The following ZNF469 variants were observed in gnomAD, a reference collection of about 807,000 sequenced individuals.
The protein encoded by ZNF469 is zinc finger protein 469.
Under a neutral mutation model 1.0 loss-of-function variants are expected in ZNF469, and 1 was observed. That is an observed-to-expected ratio of 1.00 (90% CI 0.35 to 4.73). The LOEUF is 4.73. ZNF469 is among the 30% of genes most tolerant of loss of function. The pLI is 0.16. For synonymous variants in ZNF469, 2,703 were observed against 2,363.4 expected, an observed-to-expected ratio of 1.14 and a Z score of -4.17; for missense variants, 6,100 against 5,356.3, an observed-to-expected ratio of 1.14 and a Z score of -4.33.
the ZNF469 span, among the ~76,000 whole-genome samples, chr16:88,156,889 G>C: frequency 6.6e-6 from 1 of 152,050 alleles, no homozygotes; most frequent in South Asian, 2.1e-4. Context: ...TGGCCAGCAG[G>C]GATGGAAATA....
the ZNF469 span, among the ~76,000 whole-genome samples, chr16:88,317,438 C>T: frequency 2.0e-5 from 3 of 152,214 alleles, no homozygotes; most frequent in African/African-American, 7.2e-5. Flanking sequence ...GCCTCGGAAC[C>T]TGGCTGGTGA....
the ZNF469 span, among the ~76,000 whole-genome samples, chr16:88,318,352 G>A: frequency 5.9e-5 from 9 of 152,300 alleles, no homozygotes; most frequent in African/African-American, 1.9e-4. Context: ...TCCTGGAGAC[G>A]CTGCCCCCCC....
At position 88,431,787 on chromosome 16, in the gene ZNF469, G is replaced by A. The variant is rs537125745; in HGVS notation, c.4317G>A (p.Thr1439=). ...LPRSPPGTAE[T]EPGRAASPPT... Reference sequence around the variant, plus strand: ...GGAGCCCACCTGGCACCGCTGAGACGGAGCCAGGCAGGGCTGCATCGCCAC... The same window carrying A: ...GGAGCCCACCTGGCACCGCTGAGACAGAGCCAGGCAGGGCTGCATCGCCAC... Residue 1439 remains threonine, a synonymous_variant, in exon 3 of 3, where the codon ACG becomes ACA. Transcript: ENST00000565624. 5.9e-5 allele frequency: 91 copies of A among 1,549,786 alleles called. No homozygotes were observed. Among genetic ancestry groups the A allele is most frequent in the Middle Eastern group, 3.3e-4 (2 of 5,992 alleles).
At chr16:88,410,379 C>T (rs575025440) in intron 1 of ZNF469, among the ~76,000 whole-genome samples, 128 of 150,816 alleles carry the variant, frequency 8.5e-4, no homozygotes, top group South Asian at 4.2e-3. Flanking sequence ...ACACAGTTTA[C>T]GGTGACGTCT....
the ZNF469 span, among the ~76,000 whole-genome samples, chr16:88,110,782 G>T: frequency 6.6e-6 from 1 of 152,254 alleles, no homozygotes; most frequent in Non-Finnish European, 1.5e-5. Flanking sequence ...GGTTGGGCAG[G>T]TGCTTGTGGG....
the ZNF469 span, among the ~76,000 whole-genome samples, chr16:88,224,573 A>ATGAGGAGACTGAGGCGCAGAGAGGC: frequency 2.0e-5 from 3 of 152,134 alleles, no homozygotes; most frequent in African/African-American, 7.2e-5. Flanking sequence ...AGCTTCTCTG[A>ATGAGGAGACTGAGGCGCAGAGAGGC]TGAGGAGACT....
chr16:88,226,039 G>A, the ZNF469 span, among the ~76,000 whole-genome samples: 6 of 152,256 alleles, frequency 3.9e-5, no homozygotes, highest in South Asian at 1.0e-3. Context: ...TCCCCAGGCT[G>A]CAGGGTGCCG....
intron 1 of ZNF469, among the ~76,000 whole-genome samples, chr16:88,386,530 C>T (rs2092537141): frequency 6.6e-6 from 1 of 152,188 alleles, no homozygotes; most frequent in African/African-American, 2.4e-5. Flanking sequence ...CAAGGCCATC[C>T]CCCTTGACGA....
At chr16:88,211,366 G>T in the ZNF469 span, among the ~76,000 whole-genome samples, 1 of 152,240 alleles carries the variant, frequency 6.6e-6, no homozygotes, top group East Asian at 1.9e-4. Context: ...TAAATGCCTG[G>T]AAGGCCAGTG....
At chr16:88,256,885 CT>C in the ZNF469 span, among the ~76,000 whole-genome samples, 137 of 103,582 alleles carry the variant, frequency 1.3e-3, no homozygotes, top group African/African-American at 4.3e-3. Context: ...CTTTTCTTTT[CT>C]TTTCTTTCCT....
At chr16:88,127,462 G>A in the ZNF469 span, among the ~76,000 whole-genome samples, 2 of 152,196 alleles carry the variant, frequency 1.3e-5, no homozygotes, top group East Asian at 1.9e-4. Context: ...TTCCTTTACA[G>A]TAGTAATATC....
At chr16:88,212,450 C>G in the ZNF469 span, among the ~76,000 whole-genome samples, 1 of 152,188 alleles carries the variant, frequency 6.6e-6, no homozygotes, top group Non-Finnish European at 1.5e-5. Flanking sequence ...TGCTCTTCTT[C>G]AGTGGTATCC....
intron 1 of ZNF469, among the ~76,000 whole-genome samples, chr16:88,418,950 T>G (rs1453571597): frequency 6.6e-6 from 1 of 152,144 alleles, no homozygotes; most frequent in Admixed American, 6.5e-5. Context: ...CCCTGTGCTT[T>G]TCTCCTGGGC....
chr16:88,319,064 C>A, the ZNF469 span, among the ~76,000 whole-genome samples: 1 of 152,156 alleles, frequency 6.6e-6, no homozygotes, highest in Non-Finnish European at 1.5e-5. Flanking sequence ...AGGGCCTTGG[C>A]CACCAGGCTG....
rs1320741409 is a variant in ZNF469 at position 88,424,722 on chromosome 16, T to C, written c.-191-85T>C. ...ACAGCCGGCTCTGCCCAGGAGCCGC[T>C]CCCTCCCACCTGGCTTCTCCTCGGG... On this transcript the variant is annotated intron_variant, in intron 1 of 2. Coordinates refer to ENST00000565624, the MANE Select transcript of ZNF469 (RefSeq NM_001367624.2). The surrounding 1 kb of genome is among the most constrained non-coding windows in gnomAD (Gnocchi z 4.3). Among the ~76,000 whole-genome samples the C allele has an allele frequency of 1.3e-5, 2 of 151,708 alleles. No homozygotes were observed. The highest frequency in any genetic ancestry group is 3.9e-4 in the East Asian group (2 of 5,158).
the ZNF469 span, among the ~76,000 whole-genome samples, chr16:88,200,359 G>A: frequency 6.6e-6 from 1 of 152,212 alleles, no homozygotes; most frequent in East Asian, 1.9e-4. Flanking sequence ...AAGCCTCAGA[G>A]CTGGAAGGAG....
chr16:88,417,178 G>A (rs757798771), intron 1 of ZNF469, among the ~76,000 whole-genome samples: 2 of 142,800 alleles, frequency 1.4e-5, no homozygotes, highest in South Asian at 2.4e-4. Context: ...CCAGAGCGTC[G>A]CTGCAAGGGA....
At chr16:88,326,002 G>A in the ZNF469 span, among the ~76,000 whole-genome samples, 69 of 152,270 alleles carry the variant, frequency 4.5e-4, no homozygotes, top group East Asian at 5.8e-3. Context: ...CTGTGATTGC[G>A]CCCCCTCCCC....
the ZNF469 span, among the ~76,000 whole-genome samples, chr16:88,139,741 G>C: frequency 6.6e-6 from 1 of 152,124 alleles, no homozygotes; most frequent in African/African-American, 2.4e-5. Flanking sequence ...ATTGCTGTCT[G>C]TCCAGGCTTT....
Sources: allele counts gnomAD v4.1 joint callset (sites outside exome capture counted in the v4.1 genomes callset), GRCh38; gene constraint gnomAD v4.1.1; non-coding constraint Gnocchi (gnomAD v3.1); transcripts MANE v1.5; gene names NCBI Gene and HGNC (gene_info 2026-07-23, HGNC 2026-07-21).